The following SLC66A2 variants were observed in gnomAD, a reference collection of about 807,000 sequenced individuals.
The protein encoded by SLC66A2 is solute carrier family 66 member 2.
A neutral mutation model predicts 25.5 loss-of-function variants in SLC66A2; 23 were observed. That is an observed-to-expected ratio of 0.90 (90% confidence interval 0.65 to 1.28). SLC66A2 has a LOEUF of 1.28. Ranked by LOEUF, SLC66A2 falls within the 50% of genes most tolerant of loss-of-function variation. The pLI is 0.00. For synonymous variants in SLC66A2, 193 were observed against 166.5 expected, an observed-to-expected ratio of 1.16 and a Z score of -1.23; for missense variants, 396 against 373.1, an observed-to-expected ratio of 1.06 and a Z score of -0.51.
intron 4 of SLC66A2, among the ~76,000 whole-genome samples, chr18:79,928,957 T>C (rs1986284976): frequency 1.3e-5 from 2 of 152,180 alleles, no homozygotes; most frequent in Non-Finnish European, 2.9e-5. Flanking sequence ...AGCAGAGCTG[T>C]CACCCTCAGA....
Position 79,937,632 on chromosome 18 carries a change from C to T in SLC66A2, c.338-3610G>A, listed in dbSNP as rs976709163. Among the ~76,000 whole-genome samples the T allele has an allele frequency of 1.3e-5, 2 of 152,168 alleles. No individual in the cohort carries two copies. Among genetic ancestry groups the T allele is most frequent in the South Asian group, 4.1e-4 (2 of 4,826 alleles). ...ATGAGCTGACGGCCTCAGCATGAGC[C>T]CCACAGTGGCCGCTGACCACACGCA... On this transcript the variant is annotated intron_variant, in intron 3 of 5. Coordinates refer to ENST00000397778, the MANE Select transcript of SLC66A2 (RefSeq NM_025078.5). The surrounding 1 kb of genome is among the most constrained non-coding windows in gnomAD (Gnocchi z 5.4).
intron 3 of SLC66A2, among the ~76,000 whole-genome samples, chr18:79,934,913 G>A (rs996071838): frequency 6.6e-5 from 10 of 152,182 alleles, no homozygotes. Flanking sequence ...GACTTAGGGT[G>A]TTGTTCCACT....
chr18:79,930,572 T>C (rs1986468726), intron 4 of SLC66A2, among the ~76,000 whole-genome samples: 2 of 152,226 alleles, frequency 1.3e-5, no homozygotes, highest in Non-Finnish European at 2.9e-5. Context: ...TGTCTTCTCC[T>C]TTCCTCTCTT....
rs1418000338 is a variant in SLC66A2, at chr18:79,903,726, G to A, written c.*250C>T. 3 of 513,222 alleles carry A rather than the reference G, an allele frequency of 5.8e-6. No individual in the cohort carries two copies. The highest frequency in any genetic ancestry group is 2.9e-5 in the South Asian group (1 of 34,158). 31.8% of individuals were successfully genotyped at this position (513,222 alleles called of 1,614,324 possible). A position where few individuals can be genotyped will look rare whatever the true frequency, so the allele number is the denominator to read the frequency against. ...AATGGGGAAAACACTTGCTTTTTAT[G>A]TCATCCTAAAAACATCCAAAACCCT... On this transcript the variant is annotated 3_prime_UTR_variant, in exon 6 of 6. Coordinates refer to ENST00000397778, the MANE Select transcript of SLC66A2 (RefSeq NM_025078.5).
intron 5 of SLC66A2, among the ~76,000 whole-genome samples, chr18:79,916,112 C>G (rs368592712): frequency 1.8e-4 from 22 of 122,150 alleles, no homozygotes; most frequent in Non-Finnish European, 3.1e-4. Context: ...CCGCAGTGCT[C>G]CCGTACCCTC....
rs536765415 is a variant in SLC66A2 at position 79,917,581 on chromosome 18, G to A, written c.608+1603C>T. On this transcript the variant is annotated intron_variant, in intron 5 of 5. Coordinates refer to ENST00000397778, the MANE Select transcript of SLC66A2 (RefSeq NM_025078.5). This position sits in a 1 kb window ranked among gnomAD's most constrained non-coding sequence, Gnocchi z 6.0. Reference sequence around the variant, plus strand: ...CCACACTCCGCCGGACAAGGCCCACGTCCAGCCGGGGAGCCTACATACGAC... The same window carrying A: ...CCACACTCCGCCGGACAAGGCCCACATCCAGCCGGGGAGCCTACATACGAC... Among the ~76,000 whole-genome samples, 33 of 152,168 alleles carry A rather than the reference G, an allele frequency of 2.2e-4. No individual in the cohort carries two copies. Among genetic ancestry groups the A allele is most frequent in the African/African-American group, 8.0e-4 (33 of 41,504 alleles).
At chr18:79,919,118 A>T in intron 5 of SLC66A2, 66 bp downstream of exon 5, 1 of 1,416,220 alleles carries the variant, frequency 7.1e-7, no homozygotes, top group Non-Finnish European at 9.9e-7. Flanking sequence ...TTTGATTTTT[A>T]CCAAATCTGC....
chr18:79,913,430 CG>C (rs1568298047), intron 5 of SLC66A2, among the ~76,000 whole-genome samples: 2 of 152,234 alleles, frequency 1.3e-5, no homozygotes, highest in African/African-American at 4.8e-5. Flanking sequence ...ATCCGCCCTT[CG>C]GAGCCTGCTG....
intron 5 of SLC66A2, among the ~76,000 whole-genome samples, chr18:79,912,660 G>A (rs1024530981): frequency 1.3e-4 from 20 of 152,174 alleles, no homozygotes; most frequent in East Asian, 9.6e-4. Context: ...CAGTGGCCGC[G>A]GGGTTGCTTC....
At position 79,910,776 on chromosome 18, in the gene SLC66A2, C is replaced by T. The variant is rs562895541; in HGVS notation, c.609-6593G>A. On this transcript the variant is annotated intron_variant, in intron 5 of 5. Transcript: ENST00000397778. ...ATGGCTGGGCGTGTTCCAGTGTAGA[C>T]GGAGGAGGCCAGGGCACGTTTGTTT... 2.0e-4 allele frequency among the ~76,000 whole-genome samples: 31 copies of T among 151,946 alleles called. No individual in the cohort carries two copies. In the South Asian group the frequency reaches 5.8e-3, roughly 29 times the overall value.
rs370490319 is a variant in SLC66A2, at chr18:79,933,947, A to G, written c.391+22T>C. The G allele has an allele frequency of 4.4e-5, 71 of 1,605,114 alleles. No individual in the cohort carries two copies. The African/African-American group carries it at 6.4e-4, about 14-fold the overall frequency. ...GAAGCAAAAGGAACGTGCTGCGGAC[A>G]GTGCACGCGCAGGGTACATACCCAG... is the stretch of plus-strand genomic sequence containing the variant. On this transcript the variant is annotated intron_variant, in intron 4 of 5. Coordinates refer to ENST00000397778, the MANE Select transcript of SLC66A2 (RefSeq NM_025078.5).
chr18:79,929,857 G>T (rs949974271), intron 4 of SLC66A2, among the ~76,000 whole-genome samples: 2 of 152,124 alleles, frequency 1.3e-5, no homozygotes, highest in African/African-American at 4.8e-5. Flanking sequence ...TGAGCTGGCA[G>T]AAGAATCAGT....
chr18:79,948,723 T>C (rs766513062), intron 2 of SLC66A2, among the ~76,000 whole-genome samples: 1 of 152,210 alleles, frequency 6.6e-6, no homozygotes, highest in Non-Finnish European at 1.5e-5. Context: ...CCCGTATGGT[T>C]ATCCACTCTC....
Position 79,932,045 on chromosome 18 carries a change from A to G in SLC66A2, c.391+1924T>C, listed in dbSNP as rs532857629. Among the ~76,000 whole-genome samples, 3 of 152,350 alleles carry G rather than the reference A, an allele frequency of 2.0e-5. No individual in the cohort carries two copies. In the South Asian group the frequency reaches 6.2e-4, roughly 32 times the overall value. On this transcript the variant is annotated intron_variant, in intron 4 of 5. Transcript: ENST00000397778. ...ATAAATAAAAGTACTGGAATAATAC[A>G]GAGTATATTCTACAATTATAATGGA...
chr18:79,950,784 C>G lies in SLC66A2; in HGVS notation c.143G>C (p.Gly48Ala). 1 of 1,613,230 alleles carries G rather than the reference C, an allele frequency of 6.2e-7. No homozygotes were observed. Among genetic ancestry groups the G allele is most frequent in the Non-Finnish European group, 8.5e-7 (1 of 1,180,002 alleles). The change falls in exon 2 of 6, where the codon GGC becomes GCC. Residue 48 changes from glycine to alanine, a missense_variant. Coordinates refer to ENST00000397778, the MANE Select transcript of SLC66A2 (RefSeq NM_025078.5). ...CACCAGGCACACGTAGGTGGAGAAG[C>G]CGTCGGCGTTCTGCGTCCTGCGAAT... ...RDIRRTQNAD[G>A]FSTYVCLVLL...
intron 3 of SLC66A2, among the ~76,000 whole-genome samples, chr18:79,934,350 T>C (rs569080262): frequency 5.3e-5 from 8 of 152,318 alleles, no homozygotes; most frequent in Admixed American, 3.3e-4. Context: ...GTCACAAGCG[T>C]GCTGTGCTGA....
At position 79,946,528 on chromosome 18, in the gene SLC66A2, G is replaced by C. The variant is rs146433541; in HGVS notation, c.204-3066C>G. Among the ~76,000 whole-genome samples the C allele has an allele frequency of 1.7e-3, 252 of 152,320 alleles. 1 individual carries two copies. The highest frequency in any genetic ancestry group is 5.5e-3 in the African/African-American group (229 of 41,568). On this transcript the variant is annotated intron_variant, in intron 2 of 5. Transcript: ENST00000397778. ...TGTGTGGTGCAGGAGCCTGCTCCTC[G>C]GGAAGCACCAAGATACCTCGTCTAA...
chr18:79,946,250 A>G (rs2050923163), intron 2 of SLC66A2, among the ~76,000 whole-genome samples: 1 of 151,330 alleles, frequency 6.6e-6, no homozygotes, highest in African/African-American at 2.4e-5. Flanking sequence ...AAAGAAAAAC[A>G]CAAAATTTCA....
chr18:79,910,528 T>C (rs914472987), intron 5 of SLC66A2, among the ~76,000 whole-genome samples: 6 of 152,202 alleles, frequency 3.9e-5, no homozygotes, highest in Non-Finnish European at 7.3e-5. Context: ...CTTTTTCTAG[T>C]TCACTCTCTT....
Sources: allele counts gnomAD v4.1 joint callset (sites outside exome capture counted in the v4.1 genomes callset), GRCh38; gene constraint gnomAD v4.1.1; non-coding constraint Gnocchi (gnomAD v3.1); transcripts MANE v1.5; gene names NCBI Gene and HGNC (gene_info 2026-07-23, HGNC 2026-07-21).